Variants in BPTF observed in about 807,000 individuals in gnomAD.
The protein encoded by BPTF is nucleosome-remodeling factor subunit BPTF.
In BPTF, 18 loss-of-function variants were observed where a neutral mutation model predicts 292.5. The observed-to-expected ratio is 0.06, with a 90% confidence interval of 0.04 to 0.09. BPTF has a LOEUF of 0.09. Ranked by LOEUF, BPTF falls within the 10% of genes least tolerant of loss-of-function variation. The pLI is 1.00. For missense variants in BPTF, 2,726 were observed against 3,498.7 expected (o/e 0.78, Z 5.57); for synonymous variants, 1,225 against 1,251.9 (o/e 0.98, Z 0.45).
intron 2 of BPTF, among the ~76,000 whole-genome samples, chr17:67,860,768 G>C (rs1051107738): frequency 6.6e-6 from 1 of 152,156 alleles, no homozygotes; most frequent in African/African-American, 2.4e-5. Flanking sequence ...TATGTTGCCA[G>C]GCTGGTCTCG....
rs1224476461 is a variant in BPTF at position 67,959,400 on chromosome 17, G to C, written c.7927-141G>C. 3 of 581,108 alleles carry C rather than the reference G, an allele frequency of 5.2e-6. No homozygotes were observed. In the Admixed American group the frequency reaches 1.0e-4, roughly 19 times the overall value. The allele number at this position is 581,108 out of a possible 1,614,324, so 36.0% of individuals were successfully genotyped here. On this transcript the variant is annotated intron_variant, in intron 23 of 27. Coordinates refer to ENST00000306378, the MANE Select transcript of BPTF (RefSeq NM_182641.4). ...GGGTTTAAGATATAAGAAAACTCTT[G>C]TTTGCAACTAACTAAAACTCTCACG...
intron 17 of BPTF, 98 bp downstream of exon 17, chr17:67,929,585 T>A: frequency 1.5e-6 from 2 of 1,368,586 alleles, no homozygotes; most frequent in South Asian, 1.4e-5. Context: ...CAGTTTCCTT[T>A]GCCTATTACT....
intron 20 of BPTF, chr17:67,944,611 A>G (rs6504555): frequency 0.72 from 392,383 of 547,660 alleles, 147,776 homozygotes; most frequent in Non-Finnish European, 0.8. Context: ...AAAGGGGGCA[A>G]AAATAATGGT....
chr17:67,951,475 C>G (rs1407082266), intron 23 of BPTF: 1 of 152,186 alleles, frequency 6.6e-6, no homozygotes, highest in African/African-American at 2.4e-5. Context: ...AGCCAGTTTA[C>G]ACACTGTAGA....
chr17:67,932,396 AC>A (rs2147563321), intron 18 of BPTF, among the ~76,000 whole-genome samples: 1 of 152,322 alleles, frequency 6.6e-6, no homozygotes, highest in South Asian at 2.1e-4. Flanking sequence ...CATTAAAACT[AC>A]CATTTTAAAA....
rs1555685530 is a variant in BPTF, at chr17:67,964,242, T to C, written c.8292T>C (p.Asn2764=). 5 of 1,613,832 alleles carry C rather than the reference T, an allele frequency of 3.1e-6. No individual in the cohort carries two copies. Among genetic ancestry groups the C allele is most frequent in the Middle Eastern group, 1.7e-4 (1 of 6,058 alleles). Residue 2764 remains asparagine, a synonymous_variant, in exon 25 of 28, where the codon AAT becomes AAC. Coordinates refer to ENST00000306378, the MANE Select transcript of BPTF (RefSeq NM_182641.4). ...KFYIGCDRCQ[N]WYHGRCVGIL... Reference sequence around the variant, plus strand: ...ATATTGGCTGTGATCGGTGTCAGAATTGGTACCATGGGCGCTGCGTTGGCA... The same window carrying C: ...ATATTGGCTGTGATCGGTGTCAGAACTGGTACCATGGGCGCTGCGTTGGCA...
chr17:67,972,669 C>CTTG (rs1355014065), intron 26 of BPTF, among the ~76,000 whole-genome samples: 1 of 152,070 alleles, frequency 6.6e-6, no homozygotes, highest in Admixed American at 6.6e-5. Flanking sequence ...TGGTGTCATG[C>CTTG]TTGGAGTCTT....
At chr17:67,859,277 CT>C (rs1227624721) in intron 2 of BPTF, among the ~76,000 whole-genome samples, 1 of 152,168 alleles carries the variant, frequency 6.6e-6, no homozygotes, top group Non-Finnish European at 1.5e-5. Flanking sequence ...CCCCTAGGAG[CT>C]GGGACTACAG....
In BPTF at chr17:67,945,829, C is replaced by T. The variant is rs782731546; in HGVS notation, c.7121C>T (p.Pro2374Leu). 1.7e-5 allele frequency: 28 copies of T among 1,614,048 alleles called. No individual in the cohort carries two copies. The highest frequency in any genetic ancestry group is 3.3e-5 in the Admixed American group (2 of 59,994). The change falls in exon 21 of 28, where the codon CCG becomes CTG. Residue 2374 changes from proline (P) to leucine (L), a missense_variant. By Grantham distance (98) the Pro-to-Leu change is moderately conservative (BLOSUM62 -3). Transcript: ENST00000306378. ...QSQVQTTTSQ[P>L]IPIQPHTSLQ... is the part of the protein sequence containing the mutation. ...CAGGTTCAGACTACAACCTCACAACCGATTCCAATTCAACCACATACATCT... is the reference window on the plus strand; with the variant it reads ...CAGGTTCAGACTACAACCTCACAACTGATTCCAATTCAACCACATACATCT...
intron 17 of BPTF, 149 bp downstream of exon 17, chr17:67,929,636 T>C (rs2064190643): frequency 4.4e-6 from 4 of 900,610 alleles, no homozygotes; most frequent in Non-Finnish European, 6.6e-6. Context: ...AAATCTGTTA[T>C]ATTTCTGATA....
At chr17:67,855,209 G>A (rs1364990923) in intron 2 of BPTF, among the ~76,000 whole-genome samples, 1 of 152,198 alleles carries the variant, frequency 6.6e-6, no homozygotes, top group Non-Finnish European at 1.5e-5. Context: ...GCTGAGACAG[G>A]AGAATTGTTT....
intron 2 of BPTF, among the ~76,000 whole-genome samples, chr17:67,858,250 A>G (rs2058837155): frequency 6.6e-6 from 1 of 152,208 alleles, no homozygotes; most frequent in African/African-American, 2.4e-5. Flanking sequence ...TGTGTAAAAT[A>G]TGTGTAACTT....
chr17:67,957,848 A>C (rs567336869), intron 23 of BPTF, among the ~76,000 whole-genome samples: 1 of 152,246 alleles, frequency 6.6e-6, no homozygotes, highest in African/African-American at 2.4e-5. Flanking sequence ...AAAGTGAGAC[A>C]CTGTCTCCAC....
At chr17:67,830,863 A>G (rs947052622) in intron 1 of BPTF, among the ~76,000 whole-genome samples, 1 of 151,802 alleles carries the variant, frequency 6.6e-6, no homozygotes, top group African/African-American at 2.4e-5. Flanking sequence ...GCCCTTTTTC[A>G]CTCCTGAACA....
At chr17:67,937,922 C>T (rs2065055306) in intron 18 of BPTF, among the ~76,000 whole-genome samples, 1 of 152,194 alleles carries the variant, frequency 6.6e-6, no homozygotes, top group Admixed American at 6.5e-5. Context: ...CAAGACCAGC[C>T]TGGCCAACAT....
At chr17:67,949,870 C>A (rs2066147899) in intron 23 of BPTF, among the ~76,000 whole-genome samples, 1 of 150,294 alleles carries the variant, frequency 6.7e-6, no homozygotes, top group South Asian at 2.1e-4. Context: ...GCCTGGCTAA[C>A]GTGGTGAAAC....
chr17:67,947,678 C>T, intron 21 of BPTF, 48 bp from the exon 22 acceptor site: 3 of 1,419,088 alleles, frequency 2.1e-6, no homozygotes, highest in Non-Finnish European at 2.9e-6. Flanking sequence ...GTGTACTAAC[C>T]TGTGGTGATT....
chr17:67,884,884 G>A (rs544745949), intron 4 of BPTF, among the ~76,000 whole-genome samples: 1 of 152,052 alleles, frequency 6.6e-6, no homozygotes, highest in South Asian at 2.1e-4. Context: ...TTTTCCCTTC[G>A]TGTATTGTGA....
intron 4 of BPTF, among the ~76,000 whole-genome samples, chr17:67,883,001 T>TAAAA (rs886889170): frequency 1.4e-3 from 134 of 94,656 alleles, no homozygotes; most frequent in African/African-American, 4.6e-3. Flanking sequence ...AGACGTTGTC[T>TAAAA]AAAAAAAAAA....
Sources: gnomAD v4.1 joint callset for allele counts (sites outside exome capture counted in the v4.1 genomes callset) on GRCh38, gnomAD v4.1.1 for gene constraint, MANE v1.5 for transcripts, NCBI Gene and HGNC (gene_info 2026-07-23, HGNC 2026-07-21) for gene names.